The following ATRNL1 variants were observed in gnomAD, a reference collection of about 807,000 sequenced individuals.
ATRNL1 encodes attractin-like protein 1.
Under a neutral mutation model 182.7 loss-of-function variants are expected in ATRNL1, and 95 were observed. That is an observed-to-expected ratio of 0.52 (90% CI 0.44 to 0.62). ATRNL1 has a LOEUF of 0.62. ATRNL1 is among the 20% of genes least tolerant of loss of function. The probability of loss-of-function intolerance (pLI) is 0.00; values close to 1 mark genes in which losing one functional copy is unlikely to be tolerated. For missense variants in ATRNL1, 1,471 were observed against 1,679.5 expected (o/e 0.88, Z 2.17); for synonymous variants, 576 against 568.3 (o/e 1.01, Z -0.19).
rs550654295 is a variant in ATRNL1, at chr10:115,776,627, G to A, written c.3903+49272G>A. ...ATTCTTGAAACGAAGCTAGAGGCTC[G>A]TACATCTTAATGTTTGAAGAGACCT... On this transcript the variant is annotated intron_variant, in intron 27 of 28. Transcript: ENST00000355044. Among the ~76,000 whole-genome samples the A allele has an allele frequency of 2.5e-4, 36 of 142,130 alleles. No individual in the cohort carries two copies. In the East Asian group the frequency reaches 3.6e-3, roughly 14 times the overall value. 93.2% of individuals were successfully genotyped at this position (142,130 alleles called of 152,430 possible).
chr10:115,648,958 G>T (rs1388758324), intron 26 of ATRNL1, among the ~76,000 whole-genome samples: 1 of 152,054 alleles, frequency 6.6e-6, no homozygotes, highest in Non-Finnish European at 1.5e-5. Context: ...TTCACCTCTA[G>T]CCTCTGTAAC....
chr10:115,186,633 G>A (rs1203727101), intron 8 of ATRNL1, among the ~76,000 whole-genome samples: 1 of 152,076 alleles, frequency 6.6e-6, no homozygotes, highest in East Asian at 1.9e-4. Flanking sequence ...ACTTATTTGT[G>A]GGAGCTAAAA....
rs782333231 is a variant in ATRNL1, at chr10:115,394,678, T to G, written c.3195T>G (p.His1065Gln). The change falls in exon 20 of 29, where the codon CAT becomes CAG. Residue 1065 changes from histidine (H) to glutamine (Q), a missense_variant. Transcript: ENST00000355044. ...TTACAGCTTGTACATGCAGTGGCCA[T>G]GCAAATATCTGTCATCTGCACACAG... is the stretch of plus-strand genomic sequence containing the variant. ...GQCTACTCSG[H>Q]ANICHLHTGK... 1 of 1,611,850 alleles carries G rather than the reference T, an allele frequency of 6.2e-7. No homozygotes were observed. The highest frequency in any genetic ancestry group is 1.1e-5 in the South Asian group (1 of 90,986).
intron 26 of ATRNL1, among the ~76,000 whole-genome samples, chr10:115,614,412 T>G (rs1185142988): frequency 6.6e-6 from 1 of 152,180 alleles, no homozygotes; most frequent in Non-Finnish European, 1.5e-5. Context: ...TTTTGATTTT[T>G]CAATATTTGT....
rs1847561448 is a variant in ATRNL1, at chr10:115,177,528, A to G, written c.1348+6236A>G. 2.0e-5 allele frequency among the ~76,000 whole-genome samples: 3 copies of G among 152,164 alleles called. No individual in the cohort carries two copies. The South Asian group carries it at 6.2e-4, about 32-fold the overall frequency. On this transcript the variant is annotated intron_variant, in intron 8 of 28. Coordinates refer to ENST00000355044, the MANE Select transcript of ATRNL1 (RefSeq NM_207303.4). ...TACAAGGACGAGAAGGCAGCCATTT[A>G]AAGGTCCAGGCTTTAATTGACACAT...
intron 26 of ATRNL1, among the ~76,000 whole-genome samples, chr10:115,578,652 T>A (rs2804187): frequency 0.49 from 73,464 of 151,026 alleles, 19,084 homozygotes; most frequent in East Asian, 0.84. Context: ...TAGCTAAGGG[T>A]TTATTGGTTT....
chr10:115,694,289 T>C (rs1946485908), intron 26 of ATRNL1, among the ~76,000 whole-genome samples: 1 of 151,782 alleles, frequency 6.6e-6, no homozygotes, highest in Non-Finnish European at 1.5e-5. Context: ...TAGTAATAAA[T>C]TACTGAAAAA....
At chr10:115,206,719 G>C (rs1848810314) in intron 8 of ATRNL1, among the ~76,000 whole-genome samples, 2 of 151,784 alleles carry the variant, frequency 1.3e-5, no homozygotes, top group Non-Finnish European at 2.9e-5. Context: ...TAAGTTCTAG[G>C]GTACATGTGC....
chr10:115,160,154 A>G lies in ATRNL1; in HGVS notation c.944A>G (p.Lys315Arg). ...TCACATAAAGCAGTTTTACACGGGA[A>G]ATTTATGTGGGTGATTGGTGGATAT... ...RASHKAVLHG[K>R]FMWVIGGYTF... The change falls in exon 6 of 29, where the codon AAA (lysine) becomes AGA (arginine). Residue 315 changes from lysine to arginine, a missense_variant. Lys to Arg is a conservative substitution (Grantham distance 26). Coordinates refer to ENST00000355044, the MANE Select transcript of ATRNL1 (RefSeq NM_207303.4). 6.2e-7 allele frequency: 1 copy of G among 1,612,760 alleles called. No homozygotes were observed. The highest frequency in any genetic ancestry group is 8.5e-7 in the Non-Finnish European group (1 of 1,179,170).
chr10:115,832,574 C>T (rs76164934), intron 27 of ATRNL1, among the ~76,000 whole-genome samples: 2,614 of 152,268 alleles, frequency 0.017, 88 homozygotes, highest in African/African-American at 0.06. Flanking sequence ...TCATTACTTC[C>T]AGATGCTAGT....
At chr10:115,535,396 G>A (rs1336112717) in intron 25 of ATRNL1, among the ~76,000 whole-genome samples, 2 of 150,540 alleles carry the variant, frequency 1.3e-5, no homozygotes, top group Non-Finnish European at 3.0e-5. Context: ...CCAGTTGATC[G>A]CATCGGCTCC....
intron 20 of ATRNL1, among the ~76,000 whole-genome samples, chr10:115,411,840 A>G (rs1845155821): frequency 6.6e-6 from 1 of 152,078 alleles, no homozygotes; most frequent in South Asian, 2.1e-4. Flanking sequence ...TTAGTGGTTC[A>G]TGTTCATACC....
chr10:115,692,852 T>A (rs1946435866), intron 26 of ATRNL1, among the ~76,000 whole-genome samples: 1 of 152,106 alleles, frequency 6.6e-6, no homozygotes, highest in Non-Finnish European at 1.5e-5. Flanking sequence ...AATGTATATG[T>A]GATGCTAAGG....
chr10:115,815,164 T>C (rs1950132590), intron 27 of ATRNL1, among the ~76,000 whole-genome samples: 1 of 152,178 alleles, frequency 6.6e-6, no homozygotes, highest in African/African-American at 2.4e-5. Flanking sequence ...TCTATACTTA[T>C]TTCAGGCTTA....
intron 26 of ATRNL1, among the ~76,000 whole-genome samples, chr10:115,720,186 A>G (rs1275277918): frequency 6.6e-6 from 1 of 151,952 alleles, no homozygotes; most frequent in Non-Finnish European, 1.5e-5. Context: ...AATTAAATTT[A>G]TTTTCATGAA....
At chr10:115,809,714 TATGAA>T (rs1950003584) in intron 27 of ATRNL1, among the ~76,000 whole-genome samples, 1 of 152,024 alleles carries the variant, frequency 6.6e-6, no homozygotes, top group Admixed American at 6.6e-5. Flanking sequence ...TAGGGTTTCC[TATGAA>T]ACAATATTGT....
intron 26 of ATRNL1, among the ~76,000 whole-genome samples, chr10:115,657,716 A>G (rs1860415362): frequency 6.6e-6 from 1 of 152,120 alleles, no homozygotes; most frequent in Admixed American, 6.5e-5. Context: ...GGCCACACTG[A>G]CACACACCCA....
intron 26 of ATRNL1, among the ~76,000 whole-genome samples, chr10:115,645,550 G>T (rs557942359): frequency 2.0e-5 from 3 of 148,904 alleles, no homozygotes; most frequent in Non-Finnish European, 4.5e-5. Context: ...CTCCTTTTTT[G>T]AATGCATATA....
At chr10:115,308,982 G>T (rs782625423) in intron 17 of ATRNL1, among the ~76,000 whole-genome samples, 1 of 152,036 alleles carries the variant, frequency 6.6e-6, no homozygotes, top group Non-Finnish European at 1.5e-5. Flanking sequence ...TGTTGATCCA[G>T]CTATCCCAGC....
Sources: allele counts gnomAD v4.1 joint callset (sites outside exome capture counted in the v4.1 genomes callset), GRCh38; gene constraint gnomAD v4.1.1; transcripts MANE v1.5; gene names NCBI Gene and HGNC (gene_info 2026-07-23, HGNC 2026-07-21).